The following FRAS1 variants were observed in gnomAD, a reference collection of about 807,000 sequenced individuals.
FRAS1 encodes the protein Fraser extracellular matrix complex subunit 1, also known as extracellular matrix organizing protein FRAS1.
In FRAS1, 290 loss-of-function variants were observed where a neutral mutation model predicts 435.2. The observed-to-expected ratio is 0.67, with a 90% CI of 0.61 to 0.73. The LOEUF is 0.73. FRAS1 is among the 30% of genes least tolerant of loss of function. FRAS1 has a pLI of 0.00. For synonymous variants in FRAS1, 1,800 were observed against 1,851.0 expected (o/e 0.97, Z 0.71); for missense variants, 4,860 against 5,001.5 (o/e 0.97, Z 0.85).
chr4:78,263,582 G>C (rs1003874732), intron 6 of FRAS1, among the ~76,000 whole-genome samples: 13 of 152,102 alleles, frequency 8.5e-5, no homozygotes, highest in African/African-American at 3.1e-4. Flanking sequence ...TAGTTCATTT[G>C]TTTATTATAA....
chr4:78,262,444 C>T (rs1478306525), intron 6 of FRAS1, among the ~76,000 whole-genome samples: 1 of 152,152 alleles, frequency 6.6e-6, no homozygotes, highest in African/African-American at 2.4e-5. Context: ...GGAGGAAGGC[C>T]ATATTCTGTT....
intron 20 of FRAS1, among the ~76,000 whole-genome samples, chr4:78,346,828 A>C (rs950779356): frequency 1.3e-5 from 2 of 151,956 alleles, no homozygotes; most frequent in African/African-American, 4.8e-5. Context: ...CCCAGAGCCC[A>C]TCTGCCTTCC....
intron 19 of FRAS1, among the ~76,000 whole-genome samples, chr4:78,334,130 A>G (rs1469883743): frequency 1.3e-5 from 2 of 152,198 alleles, no homozygotes; most frequent in African/African-American, 4.8e-5. Flanking sequence ...GTTTCTGATT[A>G]TTAAAAAGAT....
chr4:78,137,572 C>A (rs1368602969), intron 2 of FRAS1, among the ~76,000 whole-genome samples: 1 of 152,158 alleles, frequency 6.6e-6, no homozygotes, highest in Non-Finnish European at 1.5e-5. Context: ...ATGTGATTGA[C>A]AAGGGAAGGT....
chr4:78,171,691 G>A (rs914606483), intron 2 of FRAS1, among the ~76,000 whole-genome samples: 12 of 152,064 alleles, frequency 7.9e-5, no homozygotes, highest in Non-Finnish European at 1.6e-4. Flanking sequence ...CCTCCTGGCT[G>A]GAAAAAATAA....
chr4:78,468,328 T>C (rs1013536839), intron 50 of FRAS1, among the ~76,000 whole-genome samples: 2 of 152,170 alleles, frequency 1.3e-5, no homozygotes, highest in Non-Finnish European at 2.9e-5. Flanking sequence ...TCCAGCCCTG[T>C]CATGTACAAA....
At chr4:78,205,148 G>A (rs750401059) in intron 2 of FRAS1, among the ~76,000 whole-genome samples, 7 of 151,914 alleles carry the variant, frequency 4.6e-5, no homozygotes, top group Non-Finnish European at 1.0e-4. Context: ...AGTTAAAAGG[G>A]TGGTTATCCC....
At chr4:78,304,652 TA>T (rs1481660842) in intron 14 of FRAS1, among the ~76,000 whole-genome samples, 1 of 152,148 alleles carries the variant, frequency 6.6e-6, no homozygotes, top group Non-Finnish European at 1.5e-5. Context: ...TTTATTTGCG[TA>T]GAGGTGTTTG....
intron 2 of FRAS1, among the ~76,000 whole-genome samples, chr4:78,136,750 T>C (rs1719936373): frequency 6.6e-6 from 1 of 152,192 alleles, no homozygotes; most frequent in African/African-American, 2.4e-5. Flanking sequence ...CTCTTTTGTG[T>C]GCCATTGGGA....
intron 19 of FRAS1, among the ~76,000 whole-genome samples, chr4:78,336,843 C>G (rs1730187917): frequency 2.0e-5 from 3 of 152,168 alleles, no homozygotes; most frequent in Admixed American, 2.0e-4. Context: ...TTGTCCTTGG[C>G]AGAGAAGTTC....
At chr4:78,432,706 A>G (rs762259351) in intron 38 of FRAS1, 102 bp downstream of exon 38, 207 of 1,337,720 alleles carry the variant, frequency 1.5e-4, no homozygotes, top group Non-Finnish European at 2.0e-4. Flanking sequence ...CAGCAGGTAT[A>G]TGGTCACGTA....
intron 2 of FRAS1, among the ~76,000 whole-genome samples, chr4:78,148,035 A>G (rs2110007441): frequency 6.6e-6 from 1 of 152,338 alleles, no homozygotes; most frequent in Middle Eastern, 3.4e-3. Context: ...TGTCTGGAAT[A>G]GTATGTGAAG....
At chr4:78,246,876 GC>G (rs759144105) in intron 4 of FRAS1, among the ~76,000 whole-genome samples, 19 of 152,144 alleles carry the variant, frequency 1.2e-4, no homozygotes, top group Non-Finnish European at 2.4e-4. Context: ...GTGCACATGT[GC>G]AGTCTTCTTA....
intron 2 of FRAS1, among the ~76,000 whole-genome samples, chr4:78,233,111 C>T (rs1445517563): frequency 6.6e-6 from 1 of 152,208 alleles, no homozygotes; most frequent in Non-Finnish European, 1.5e-5. Flanking sequence ...GGACTGCTTT[C>T]AAGTTTGGAG....
At chr4:78,180,907 G>A in intron 2 of FRAS1, 1 of 1,604,662 alleles carries the variant, frequency 6.2e-7, no homozygotes. Context: ...TCCACATCAG[G>A]AGCAGAAGTA....
At chr4:78,103,051 C>T (rs1742212183) in intron 2 of FRAS1, among the ~76,000 whole-genome samples, 1 of 152,228 alleles carries the variant, frequency 6.6e-6, no homozygotes, top group African/African-American at 2.4e-5. Context: ...TCTGCCTTTC[C>T]CACTATGACA....
chr4:78,159,665 G>T (rs995431075), intron 2 of FRAS1, among the ~76,000 whole-genome samples: 1 of 152,146 alleles, frequency 6.6e-6, no homozygotes, highest in Non-Finnish European at 1.5e-5. Context: ...TAGATCACTT[G>T]AGGTCAGGAA....
At position 78,511,285 on chromosome 4, in the gene FRAS1, C is replaced by G. The variant is rs1721026292; in HGVS notation, c.9792C>G (p.Ser3264Arg). 1 of 1,599,648 alleles carries G rather than the reference C, an allele frequency of 6.3e-7. No individual in the cohort carries two copies. The change falls in exon 64 of 74, where the codon AGC becomes AGG. Residue 3264 changes from serine (S) to arginine (R), a missense_variant. Transcript: ENST00000512123. ...FTSVNHMVLD[S>R]IYFSRRFHVR... Reference sequence around the variant, plus strand: ...TTTCTTCCTGTTAGGTCCTGGACAGCATTTACTTCAGCCGGAGGTTCCATG... The same window carrying G: ...TTTCTTCCTGTTAGGTCCTGGACAGGATTTACTTCAGCCGGAGGTTCCATG...
intron 32 of FRAS1, among the ~76,000 whole-genome samples, chr4:78,418,189 G>A (rs1306691812): frequency 6.6e-6 from 1 of 152,256 alleles, no homozygotes; most frequent in Non-Finnish European, 1.5e-5. Context: ...AAGAGAAAAA[G>A]CAGTATCTAG....
Sources: gnomAD v4.1 joint callset for allele counts (sites outside exome capture counted in the v4.1 genomes callset) on GRCh38, gnomAD v4.1.1 for gene constraint, MANE v1.5 for transcripts, NCBI Gene and HGNC (gene_info 2026-07-23, HGNC 2026-07-21) for gene names.